The following PPP4R2 variants were observed in gnomAD, a reference collection of about 807,000 sequenced individuals.
PPP4R2 encodes the protein serine/threonine-protein phosphatase 4 regulatory subunit 2.
PPP4R2 carries 13 observed loss-of-function variants against 47.2 expected under a neutral mutation model. That is an observed-to-expected ratio of 0.28 (90% confidence interval 0.18 to 0.44). PPP4R2 has a LOEUF of 0.44. Ranked by LOEUF, PPP4R2 falls within the 20% of genes least tolerant of loss-of-function variation. PPP4R2 has a pLI of 1.00. For synonymous variants in PPP4R2, 151 were observed against 163.3 expected, an observed-to-expected ratio of 0.92 and a Z score of 0.57; for missense variants, 421 against 491.2, an observed-to-expected ratio of 0.86 and a Z score of 1.35.
At chr3:73,017,811 C>T (rs1015745446) in intron 2 of PPP4R2, among the ~76,000 whole-genome samples, 1 of 151,896 alleles carries the variant, frequency 6.6e-6, no homozygotes, top group African/African-American at 2.4e-5. Context: ...ACTATAACCT[C>T]CACCTCCTGG....
chr3:73,006,516 G>A (rs983086560), intron 2 of PPP4R2, among the ~76,000 whole-genome samples: 6 of 152,170 alleles, frequency 3.9e-5, no homozygotes, highest in Admixed American at 3.9e-4. Flanking sequence ...ACTACATGGA[G>A]CACTCTCGTT....
At chr3:73,048,880 C>G (rs944615438) in intron 3 of PPP4R2, among the ~76,000 whole-genome samples, 1 of 152,248 alleles carries the variant, frequency 6.6e-6, no homozygotes. Flanking sequence ...CTTGAAATGT[C>G]AAACCCTTAG....
intron 2 of PPP4R2, among the ~76,000 whole-genome samples, chr3:73,029,635 A>G (rs1702132385): frequency 6.6e-6 from 1 of 152,170 alleles, no homozygotes; most frequent in Non-Finnish European, 1.5e-5. Flanking sequence ...CATGCCAAAT[A>G]TTACTTGGCC....
At chr3:73,029,454 A>G (rs945446381) in intron 2 of PPP4R2, among the ~76,000 whole-genome samples, 2 of 152,188 alleles carry the variant, frequency 1.3e-5, no homozygotes, top group Non-Finnish European at 2.9e-5. Context: ...TGAAGGTACA[A>G]CCAACAGGAT....
At chr3:73,024,351 T>TA (rs1484917061) in intron 2 of PPP4R2, among the ~76,000 whole-genome samples, 1 of 152,164 alleles carries the variant, frequency 6.6e-6, no homozygotes, top group African/African-American at 2.4e-5. Flanking sequence ...ACTTTATTGG[T>TA]AGTGATCTGT....
chr3:73,062,119 C>T (rs1468691148), intron 5 of PPP4R2: 14 of 1,548,162 alleles, frequency 9.0e-6, no homozygotes, highest in Non-Finnish European at 1.1e-5. Flanking sequence ...TATGTTAATT[C>T]TCACAGTCTT....
chr3:73,026,506 G>T (rs1702066388), intron 2 of PPP4R2, among the ~76,000 whole-genome samples: 1 of 152,128 alleles, frequency 6.6e-6, no homozygotes, highest in Non-Finnish European at 1.5e-5. Flanking sequence ...TTTAGAGTGA[G>T]TTCCCTGAGG....
chr3:73,046,869 A>G (rs558317684), intron 2 of PPP4R2, among the ~76,000 whole-genome samples: 8 of 152,326 alleles, frequency 5.3e-5, no homozygotes, highest in Admixed American at 4.6e-4. Flanking sequence ...GTTATGAGTG[A>G]AAGAGTCAAA....
chr3:73,064,474 T>A (rs1053761466), intron 7 of PPP4R2, among the ~76,000 whole-genome samples: 4 of 152,226 alleles, frequency 2.6e-5, no homozygotes, highest in Non-Finnish European at 4.4e-5. Context: ...CGTTTCTCAT[T>A]GTAGTTCATA....
At chr3:73,044,702 C>A (rs1217303047) in intron 2 of PPP4R2, among the ~76,000 whole-genome samples, 1 of 152,120 alleles carries the variant, frequency 6.6e-6, no homozygotes, top group Non-Finnish European at 1.5e-5. Context: ...ATTTACATTT[C>A]CCCAAGATTA....
At chr3:73,053,603 TATC>T (rs528112228) in intron 3 of PPP4R2, among the ~76,000 whole-genome samples, 3 of 152,126 alleles carry the variant, frequency 2.0e-5, no homozygotes, top group Non-Finnish European at 2.9e-5. Context: ...TGGGGTTCCT[TATC>T]ATTATTAAAA....
At chr3:73,039,966 A>G (rs1223092396) in intron 2 of PPP4R2, among the ~76,000 whole-genome samples, 3 of 152,202 alleles carry the variant, frequency 2.0e-5, no homozygotes, top group Non-Finnish European at 4.4e-5. Flanking sequence ...AGGCAGGAGA[A>G]TTGCTTGAAC....
At chr3:73,059,380 C>G (rs1702795767) in intron 4 of PPP4R2, among the ~76,000 whole-genome samples, 1 of 152,108 alleles carries the variant, frequency 6.6e-6, no homozygotes, top group Non-Finnish European at 1.5e-5. Flanking sequence ...CTTGGAAATT[C>G]ATAGTGTATA....
intron 2 of PPP4R2, among the ~76,000 whole-genome samples, chr3:73,033,502 A>G (rs1702206739): frequency 6.6e-6 from 1 of 152,200 alleles, no homozygotes; most frequent in Non-Finnish European, 1.5e-5. Context: ...TCTGGGAATT[A>G]TTTATGGATT....
At chr3:73,065,210 G>C in intron 8 of PPP4R2, 69 bp downstream of exon 8, 3 of 1,457,816 alleles carry the variant, frequency 2.1e-6, no homozygotes, top group Non-Finnish European at 2.7e-6. Context: ...CATTTTTTTC[G>C]TGAAAGAATT....
chr3:73,010,668 C>T (rs973115486), intron 2 of PPP4R2, among the ~76,000 whole-genome samples: 12 of 151,992 alleles, frequency 7.9e-5, no homozygotes, highest in African/African-American at 2.9e-4. Flanking sequence ...GAGCGATTCT[C>T]TTGCCTCAGC....
rs760796600 is a variant in PPP4R2 at position 73,064,089 on chromosome 3, C to T, written c.581C>T (p.Pro194Leu). Reference sequence around the variant, plus strand: ...GCCCCCATGACAACAAATGGGTTGCCTGAGAGCACAGACAGCAAAGAGGCA... The same window carrying T: ...GCCCCCATGACAACAAATGGGTTGCTTGAGAGCACAGACAGCAAAGAGGCA... ...LSAPMTTNGL[P>L]ESTDSKEANL... is the part of the protein sequence containing the mutation. The change falls in exon 7 of 9, where the codon CCT becomes CTT. Residue 194 changes from proline (P) to leucine (L), a missense_variant. Physicochemically the swap from Pro to Leu is moderately conservative, Grantham distance 98. This residue lies in a region of PPP4R2 where 317 missense variants were observed against 287.5 expected (regional missense o/e 1.10). Transcript: ENST00000356692. 5.0e-6 allele frequency: 8 copies of T among 1,613,580 alleles called. No homozygotes were observed. The highest frequency in any genetic ancestry group is 2.5e-6 in the Non-Finnish European group (3 of 1,179,778).
At chr3:73,004,182 CT>C (rs71623998) in intron 2 of PPP4R2, among the ~76,000 whole-genome samples, 73,755 of 143,196 alleles carry the variant, frequency 0.52, 18,530 homozygotes, top group South Asian at 0.6. Flanking sequence ...GCCTTTTATT[CT>C]TTTTTTTTTT....
rs1315131412 is a variant in PPP4R2, at chr3:73,068,710, A to AT, written c.*2993dup. 1 of 151,996 alleles carries AT rather than the reference A, an allele frequency of 6.6e-6. No homozygotes were observed. The highest frequency in any genetic ancestry group is 1.5e-5 in the Non-Finnish European group (1 of 67,978). The allele number at this position is 151,996 out of a possible 1,614,324, so 9.4% of individuals were successfully genotyped here. A position where few individuals can be genotyped will look rare whatever the true frequency, so the allele number is the denominator to read the frequency against. ...GGTGTAGATAGGCATGTATTTATGC[A>AT]TTTTTGCATTTGTAAAATCAACTTT... On this transcript the variant is annotated 3_prime_UTR_variant, in exon 9 of 9. Transcript: ENST00000356692.
Sources: gnomAD v4.1 joint callset for allele counts (sites outside exome capture counted in the v4.1 genomes callset) on GRCh38, gnomAD v4.1.1 for gene constraint, gnomAD v4.1.1 regional missense constraint, MANE v1.5 for transcripts, NCBI Gene and HGNC (gene_info 2026-07-23, HGNC 2026-07-21) for gene names.